The following TMEM41B variants were observed in gnomAD, a reference collection of about 807,000 sequenced individuals.
The protein encoded by TMEM41B is transmembrane protein 41B, also known as protein stasimon.
TMEM41B carries 18 observed loss-of-function variants against 31.9 expected under a neutral mutation model. The ratio of observed to expected loss-of-function variants is 0.56; its 90% CI spans 0.39 to 0.84. TMEM41B has a LOEUF of 0.84. TMEM41B is among the 40% of genes least tolerant of loss of function. The pLI, the probability that TMEM41B is intolerant of heterozygous loss-of-function variation, is 0.00. For synonymous variants in TMEM41B, 144 were observed against 124.3 expected (o/e 1.16, Z -1.05); for missense variants, 322 against 348.0 (o/e 0.93, Z 0.59).
At chr11:9,295,879 C>A (rs1405253765) in intron 2 of TMEM41B, among the ~76,000 whole-genome samples, 1 of 147,598 alleles carries the variant, frequency 6.8e-6, no homozygotes, top group East Asian at 2.1e-4. Flanking sequence ...TTTTTTTTGA[C>A]ACAGTCTCAC....
Position 9,287,697 on chromosome 11 carries a change from T to G in TMEM41B, c.567+5A>C, listed in dbSNP as rs984510540. ...ACATCAAATAATTTAAAAATACATGTTTACCTGCTGTGACCATTTTACTGC... is the reference window on the plus strand; with the variant it reads ...ACATCAAATAATTTAAAAATACATGGTTACCTGCTGTGACCATTTTACTGC... On this transcript the variant is annotated splice_donor_5th_base_variant and intron_variant, in intron 5 of 6. Coordinates refer to ENST00000528080, the MANE Select transcript of TMEM41B (RefSeq NM_015012.4). 1.3e-5 allele frequency: 21 copies of G among 1,590,880 alleles called. No individual in the cohort carries two copies. Among genetic ancestry groups the G allele is most frequent in the Admixed American group, 1.8e-5 (1 of 56,926 alleles).
In TMEM41B at chr11:9,283,425, T is replaced by C; in HGVS notation, c.875A>G (p.Ter292=). The change falls in exon 7 of 7, where the codon TAA becomes TGA. Residue 292 remains the stop codon, a stop_retained_variant. Coordinates refer to ENST00000528080, the MANE Select transcript of TMEM41B (RefSeq NM_015012.4). ...AAACTAAAAATCAGATGATTATTTT[T>C]ACTCAAATTTCTGCTTTAGTTTTTT... is the stretch of plus-strand genomic sequence containing the variant. ...FQKKLKQKFE[*] is the part of the protein sequence containing the mutation. 3 of 1,604,492 alleles carry C rather than the reference T, an allele frequency of 1.9e-6. No individual in the cohort carries two copies. Among genetic ancestry groups the C allele is most frequent in the Non-Finnish European group, 2.6e-6 (3 of 1,176,022 alleles).
intron 1 of TMEM41B, among the ~76,000 whole-genome samples, chr11:9,306,486 T>A (rs1382911585): frequency 6.6e-6 from 1 of 151,234 alleles, no homozygotes; most frequent in Non-Finnish European, 1.5e-5. Context: ...ATCGAGACCA[T>A]CCTGGCTAAC....
chr11:9,313,170 C>T (rs576160008), intron 1 of TMEM41B, among the ~76,000 whole-genome samples: 1 of 152,216 alleles, frequency 6.6e-6, no homozygotes, highest in East Asian at 1.9e-4. Flanking sequence ...TTCTTTTATT[C>T]AGAGCTGATT....
At position 9,314,437 on chromosome 11, in the gene TMEM41B, G is replaced by A; in HGVS notation, c.5C>T (p.Ala2Val). M[A>V]KGRVAERSQL... is the part of the protein sequence containing the mutation. Reference sequence around the variant, plus strand: ...CGATCGTTCGGCGACTCTGCCTTTCGCCATGGCTGCTGCAAGGTGAAGGGA... The same window carrying A: ...CGATCGTTCGGCGACTCTGCCTTTCACCATGGCTGCTGCAAGGTGAAGGGA... Residue 2 changes from alanine (A) to valine (V), a missense_variant, in exon 1 of 7, where the codon GCG (alanine) becomes GTG (valine). Transcript: ENST00000528080. 6.4e-7 allele frequency: 1 copy of A among 1,556,086 alleles called. No homozygotes were observed. Among genetic ancestry groups the A allele is most frequent in the Non-Finnish European group, 8.7e-7 (1 of 1,149,396 alleles).
chr11:9,292,834 A>G (rs1287679974), intron 3 of TMEM41B, among the ~76,000 whole-genome samples: 2 of 152,052 alleles, frequency 1.3e-5, no homozygotes, highest in African/African-American at 4.8e-5. Context: ...AGGAACTGCC[A>G]TACTATTTTC....
Position 9,295,340 on chromosome 11 carries a change from T to C in TMEM41B, c.287A>G (p.Lys96Arg). 1 of 1,601,352 alleles carries C rather than the reference T, an allele frequency of 6.2e-7. No homozygotes were observed. Among genetic ancestry groups the C allele is most frequent in the Non-Finnish European group, 8.5e-7 (1 of 1,172,976 alleles). The part of the protein sequence containing the change: ...MKVPRDMDDA[K>R]ALGKVLSKYK... ...TTTGGATAAAACTTTTCCTAGAGCC[T>C]TGGCATCATCCATATCTCTGGGAAC... is the stretch of plus-strand genomic sequence containing the variant. The change falls in exon 3 of 7, where the codon AAG (lysine) becomes AGG (arginine). Residue 96 changes from lysine (K) to arginine (R), a missense_variant. Coordinates refer to ENST00000528080, the MANE Select transcript of TMEM41B (RefSeq NM_015012.4).
intron 3 of TMEM41B, among the ~76,000 whole-genome samples, chr11:9,289,929 T>A (rs1842127052): frequency 6.6e-6 from 1 of 152,140 alleles, no homozygotes; most frequent in Non-Finnish European, 1.5e-5. Flanking sequence ...TTTGGCAATT[T>A]CCATGGCTTC....
intron 1 of TMEM41B, among the ~76,000 whole-genome samples, chr11:9,305,416 T>C (rs571009180): frequency 2.0e-5 from 3 of 152,198 alleles, no homozygotes; most frequent in East Asian, 3.9e-4. Context: ...CTAGCCAACA[T>C]AGTGAAACCC....
At chr11:9,303,931 GTGTTA>G (rs1186274245) in intron 1 of TMEM41B, among the ~76,000 whole-genome samples, 1 of 152,192 alleles carries the variant, frequency 6.6e-6, no homozygotes, top group Admixed American at 6.5e-5. Context: ...GCCTCCCAAA[GTGTTA>G]GGATTACAGG....
At position 9,314,358 on chromosome 11, in the gene TMEM41B, C is replaced by G; in HGVS notation, c.84G>C (p.Arg28=). The G allele has an allele frequency of 6.3e-7, 1 of 1,589,740 alleles. No individual in the cohort carries two copies. Among genetic ancestry groups the G allele is most frequent in the Non-Finnish European group, 8.5e-7 (1 of 1,169,884 alleles). Residue 28 remains arginine, a synonymous_variant, in exon 1 of 7, where the codon CGG becomes CGC. Coordinates refer to ENST00000528080, the MANE Select transcript of TMEM41B (RefSeq NM_015012.4). The stretch of plus-strand genomic sequence containing the variant: ...CTCTGCTGCCAGGCGCCGCGAGACC[C>G]CGCGTCCCCGCTGCCCCGTCCCCCA... ...TPVGDGAAGT[R]GLAAPGSRDH... is the part of the protein sequence containing the mutation.
At chr11:9,298,810 G>A (rs1226787121) in intron 2 of TMEM41B, among the ~76,000 whole-genome samples, 7 of 151,590 alleles carry the variant, frequency 4.6e-5, no homozygotes, top group African/African-American at 1.5e-4. Context: ...AAGGCAATTT[G>A]GAGAAAACAT....
intron 1 of TMEM41B, among the ~76,000 whole-genome samples, chr11:9,310,892 C>A (rs193146767): frequency 1.4e-4 from 21 of 152,154 alleles, no homozygotes; most frequent in African/African-American, 5.1e-4. Context: ...CCCAAGTATG[C>A]CAACATTACA....
intron 2 of TMEM41B, among the ~76,000 whole-genome samples, chr11:9,296,814 C>G (rs1247421626): frequency 6.6e-6 from 1 of 152,078 alleles, no homozygotes; most frequent in Non-Finnish European, 1.5e-5. Flanking sequence ...TTTTCCAGTA[C>G]TTTTACTCTA....
Position 9,295,397 on chromosome 11 carries a change from T to TA in TMEM41B, c.240-11dup. 1 of 1,516,466 alleles carries TA rather than the reference T, an allele frequency of 6.6e-7. No homozygotes were observed. Among genetic ancestry groups the TA allele is most frequent in the Non-Finnish European group, 8.9e-7 (1 of 1,119,286 alleles). 93.9% of individuals were successfully genotyped at this position (1,516,466 alleles called of 1,614,324 possible). A position where few individuals can be genotyped will look rare whatever the true frequency, so the allele number is the denominator to read the frequency against. On this transcript the variant is annotated splice_polypyrimidine_tract_variant and intron_variant, in intron 2 of 6. Transcript: ENST00000528080. ...ATTCACTCTTTCTTCTCTGAAGAAA[T>TA]AAAGTGAAAAATTTTAGAACAGAAT...
intron 2 of TMEM41B, among the ~76,000 whole-genome samples, chr11:9,297,102 T>A (rs1367281371): frequency 6.6e-6 from 1 of 152,116 alleles, no homozygotes; most frequent in African/African-American, 2.4e-5. Context: ...GTTGTTTTTT[T>A]TAGATAGAGT....
chr11:9,299,251 C>T (rs1455905717), intron 2 of TMEM41B, among the ~76,000 whole-genome samples: 1 of 128,942 alleles, frequency 7.8e-6, no homozygotes, highest in African/African-American at 3.0e-5. Context: ...CCACTGCATT[C>T]CAGCCTGGGT....
chr11:9,292,565 CT>C (rs1055394597), intron 3 of TMEM41B, among the ~76,000 whole-genome samples: 2 of 152,094 alleles, frequency 1.3e-5, no homozygotes, highest in African/African-American at 4.8e-5. Context: ...TGACTCACAC[CT>C]GTAATCCCAG....
In TMEM41B at chr11:9,314,350, G is replaced by C; in HGVS notation, c.92C>G (p.Ala31Gly). 1 of 1,591,760 alleles carries C rather than the reference G, an allele frequency of 6.3e-7. No individual in the cohort carries two copies. The highest frequency in any genetic ancestry group is 1.3e-5 in the African/African-American group (1 of 74,186). Residue 31 changes from alanine (A) to glycine (G), a missense_variant, in exon 1 of 7, where the codon GCG becomes GGG. Ala to Gly is a moderately conservative substitution (Grantham distance 60). Coordinates refer to ENST00000528080, the MANE Select transcript of TMEM41B (RefSeq NM_015012.4). ...CTGGTGGTCTCTGCTGCCAGGCGCC[G>C]CGAGACCCCGCGTCCCCGCTGCCCC... ...GDGAAGTRGLAAPGSRDHQKE... is the reference protein window; with the variant it reads ...GDGAAGTRGLGAPGSRDHQKE...
Sources: gnomAD v4.1 joint callset for allele counts (sites outside exome capture counted in the v4.1 genomes callset) on GRCh38, gnomAD v4.1.1 for gene constraint, MANE v1.5 for transcripts, NCBI Gene and HGNC (gene_info 2026-07-23, HGNC 2026-07-21) for gene names.